MYO1H: variants seen among roughly 807,000 people sequenced by gnomAD.
The protein encoded by MYO1H is myosin IH, also known as unconventional myosin-Ih.
MYO1H carries 118 observed loss-of-function variants against 149.3 expected under a neutral mutation model. That is an observed-to-expected ratio of 0.79 (90% CI 0.68 to 0.92). MYO1H has a LOEUF of 0.92. Among genes scored for constraint, MYO1H ranks in the 40% least tolerant of loss-of-function variants. MYO1H has a pLI of 0.00. For synonymous variants in MYO1H, 447 were observed against 465.2 expected, an observed-to-expected ratio of 0.96 and a Z score of 0.50; for missense variants, 1,212 against 1,280.7, an observed-to-expected ratio of 0.95 and a Z score of 0.82.
At chr12:109,447,646 T>C (rs1872541788) in exon 32 of MYO1H, 1 of 184,896 alleles carries the variant, frequency 5.4e-6, no homozygotes, top group Non-Finnish European at 1.2e-5. Flanking sequence ...CCCATGTCTC[T>C]GGGTTTCTTC....
chr12:109,373,125 T>A (rs1002219445), intron 1 of MYO1H, among the ~76,000 whole-genome samples: 1 of 152,154 alleles, frequency 6.6e-6, no homozygotes, highest in Non-Finnish European at 1.5e-5. Context: ...AATTTACATA[T>A]CATATATAAT....
chr12:109,367,020 C>A (rs1312806767), intron 1 of MYO1H, among the ~76,000 whole-genome samples: 1 of 152,174 alleles, frequency 6.6e-6, no homozygotes, highest in Non-Finnish European at 1.5e-5. Context: ...TTCAAAATCT[C>A]ATGTATTTCT....
chr12:109,378,637 C>A (rs956878941), intron 1 of MYO1H, among the ~76,000 whole-genome samples: 3 of 152,198 alleles, frequency 2.0e-5, no homozygotes, highest in African/African-American at 7.2e-5. Flanking sequence ...TTTATATTCC[C>A]ACCAACAATG....
chr12:109,368,776 G>C (rs1172424279), intron 1 of MYO1H, among the ~76,000 whole-genome samples: 5 of 151,886 alleles, frequency 3.3e-5, no homozygotes, highest in Admixed American at 3.3e-4. Context: ...GTGATGCTCA[G>C]TACCCAATAG....
At chr12:109,341,948 A>G in the MYO1H span, among the ~76,000 whole-genome samples, 1 of 152,034 alleles carries the variant, frequency 6.6e-6, no homozygotes, top group African/African-American at 2.4e-5. Flanking sequence ...CAGGTTTTAT[A>G]TATGGCCTGG....
At chr12:109,437,312 T>G (rs191950937) in intron 22 of MYO1H, among the ~76,000 whole-genome samples, 4 of 152,258 alleles carry the variant, frequency 2.6e-5, no homozygotes, top group Non-Finnish European at 5.9e-5. Flanking sequence ...TGGGTGTATC[T>G]CTAAATAATA....
intron 22 of MYO1H, 37 bp downstream of exon 22, chr12:109,436,593 T>C (rs772539024): frequency 5.5e-6 from 8 of 1,466,574 alleles, no homozygotes; most frequent in Non-Finnish European, 7.5e-6. Context: ...TTTGCTCCCT[T>C]TCTCATCTGC....
At chr12:109,362,548 G>C (rs1338204235) in intron 1 of MYO1H, among the ~76,000 whole-genome samples, 2 of 152,150 alleles carry the variant, frequency 1.3e-5, no homozygotes, top group African/African-American at 4.8e-5. Flanking sequence ...AAGACCCACA[G>C]AAAACTGTAT....
intron 2 of MYO1H, among the ~76,000 whole-genome samples, chr12:109,391,126 T>C (rs1869634433): frequency 6.6e-6 from 1 of 152,238 alleles, no homozygotes; most frequent in South Asian, 2.1e-4. Flanking sequence ...ATGTGCAGGT[T>C]TGTTACATAG....
At chr12:109,406,058 G>T in intron 8 of MYO1H, 23 bp downstream of exon 8, 1 of 1,542,932 alleles carries the variant, frequency 6.5e-7, no homozygotes, top group Non-Finnish European at 9.0e-7. Context: ...TTTTGGAGAG[G>T]ACAGAAGGAG....
intron 31 of MYO1H, 68 bp from the exon 32 acceptor site, chr12:109,447,091 G>T (rs1017651257): frequency 6.8e-7 from 1 of 1,471,798 alleles, no homozygotes; most frequent in Non-Finnish European, 9.3e-7. Flanking sequence ...CAGTTGAGGT[G>T]ATAACTGTTT....
At chr12:109,447,350 C>T in exon 32 of MYO1H, 1 of 668,680 alleles carries the variant, frequency 1.5e-6, no homozygotes. Context: ...AGCCTAATCC[C>T]AGCTCCTCAG....
At chr12:109,398,741 CA>C (rs35031072) in intron 5 of MYO1H, among the ~76,000 whole-genome samples, 3,210 of 51,904 alleles carry the variant, frequency 0.062, 22 homozygotes, top group African/African-American at 0.11. Context: ...AACTTCCTCT[CA>C]AAAAAAAAAA....
At chr12:109,358,028 T>C (rs1312754861) in intron 1 of MYO1H, among the ~76,000 whole-genome samples, 1 of 152,060 alleles carries the variant, frequency 6.6e-6, no homozygotes, top group Non-Finnish European at 1.5e-5. Context: ...AAACTGTTCT[T>C]GCTTTTTGAA....
At chr12:109,328,457 A>G in the MYO1H span, among the ~76,000 whole-genome samples, 1 of 151,846 alleles carries the variant, frequency 6.6e-6, no homozygotes, top group African/African-American at 2.4e-5. Context: ...CAGCCTCCCA[A>G]AGTGCTGGGA....
chr12:109,434,974 C>T (rs1361366534), intron 20 of MYO1H, 63 bp from the exon 21 acceptor site: 8 of 985,744 alleles, frequency 8.1e-6, no homozygotes, highest in Admixed American at 5.0e-5. Flanking sequence ...AAGGGGGCAC[C>T]GTTCAACCCA....
At chr12:109,354,949 T>G (rs1185780968) in intron 1 of MYO1H, among the ~76,000 whole-genome samples, 1 of 152,238 alleles carries the variant, frequency 6.6e-6, no homozygotes, top group East Asian at 1.9e-4. Context: ...GGGCCTGTCC[T>G]CCTTGGCAAG....
rs2137039055 is a variant in MYO1H at position 109,393,549 on chromosome 12, ATCCATCCAT to A, written c.290+104_290+112del. On this transcript the variant is annotated intron_variant, in intron 3 of 31. Transcript: ENST00000310903. ...CATCTGTCCATCCATTCATCCATCCATCCATCCATCCATCCATCCATCCATCCGCCCACC... is the reference window on the plus strand; with the variant it reads ...CATCTGTCCATCCATTCATCCATCCACCATCCATCCATCCATCCGCCCACC... 9 of 559,116 alleles carry A rather than the reference ATCCATCCAT, an allele frequency of 1.6e-5. No homozygotes were observed. The East Asian group carries it at 2.8e-4, about 18-fold the overall frequency. 34.6% of individuals were successfully genotyped at this position (559,116 alleles called of 1,614,324 possible).
At chr12:109,380,986 A>G in intron 1 of MYO1H, among the ~76,000 whole-genome samples, 1 of 152,278 alleles carries the variant, frequency 6.6e-6, no homozygotes, top group South Asian at 2.1e-4. Context: ...ATTCTATATT[A>G]AATTGATAGA....
Sources: allele counts gnomAD v4.1 joint callset (sites outside exome capture counted in the v4.1 genomes callset), GRCh38; gene constraint gnomAD v4.1.1; transcripts MANE v1.5; gene names NCBI Gene and HGNC (gene_info 2026-07-23, HGNC 2026-07-21).